GPM6B: variants seen among roughly 807,000 people sequenced by gnomAD.
GPM6B encodes the protein neuronal membrane glycoprotein M6-b.
GPM6B carries 4 observed loss-of-function variants against 27.2 expected under a neutral mutation model. That is an observed-to-expected ratio of 0.15 (90% CI 0.07 to 0.34). The LOEUF (loss-of-function observed/expected upper bound fraction) is 0.34, where lower values mean the gene tolerates loss of function less well. GPM6B is among the 10% of genes least tolerant of loss of function. The probability of loss-of-function intolerance (pLI) is 1.00; values close to 1 mark genes in which losing one functional copy is unlikely to be tolerated. For synonymous variants in GPM6B, 124 were observed against 103.1 expected, an observed-to-expected ratio of 1.20 and a Z score of -1.23; for missense variants, 183 against 261.9, an observed-to-expected ratio of 0.70 and a Z score of 2.08.
At chrX:13,921,183 G>A (rs1316601329) in intron 1 of GPM6B, among the ~76,000 whole-genome samples, 1 of 112,114 alleles carries the variant, frequency 8.9e-6, no homozygotes, top group Admixed American at 9.5e-5. Context: ...CCAGTACTAC[G>A]TCTGTCTGCA....
chrX:13,931,197 A>AAAC (rs35581266), intron 1 of GPM6B, among the ~76,000 whole-genome samples: 50,753 of 106,331 alleles, frequency 0.48, 10,041 homozygotes, highest in Non-Finnish European at 0.55. Context: ...AACAAAAACA[A>AAAC]AACAACAACA....
At chrX:13,796,297 G>A (rs1049430119) in intron 2 of GPM6B, among the ~76,000 whole-genome samples, 3 of 111,690 alleles carry the variant, frequency 2.7e-5, no homozygotes, top group African/African-American at 6.5e-5. Context: ...TTGAACTCCC[G>A]ACCTCAGGTG....
At chrX:13,777,688 G>T (rs1323737499) in intron 5 of GPM6B, among the ~76,000 whole-genome samples, 2 of 112,625 alleles carry the variant, frequency 1.8e-5, no homozygotes, top group African/African-American at 3.2e-5. Flanking sequence ...TTTATTCAGT[G>T]AGGGTTCACA....
intron 1 of GPM6B, among the ~76,000 whole-genome samples, chrX:13,864,855 G>A (rs1053318392): frequency 3.6e-5 from 4 of 111,734 alleles, no homozygotes; most frequent in Admixed American, 9.5e-5. Context: ...GACCCCCAGT[G>A]GATGCCTAAA....
intron 1 of GPM6B, among the ~76,000 whole-genome samples, chrX:13,932,769 G>A (rs929247338): frequency 2.7e-5 from 3 of 111,847 alleles, no homozygotes; most frequent in African/African-American, 9.7e-5. Context: ...GGGAAACAAA[G>A]CCTTCAACCC....
In GPM6B at chrX:13,772,864, A is replaced by C; in HGVS notation, c.*17T>G. The C allele has an allele frequency of 8.3e-7, 1 of 1,207,647 alleles. No individual in the cohort carries two copies. The highest frequency in any genetic ancestry group is 1.1e-6 in the Non-Finnish European group (1 of 892,479). ...TCAGAGCTGTAAATACGTCGGCCGAAACACTCTGGCAAACATTTATGTGTA... is the reference window on the plus strand; with the variant it reads ...TCAGAGCTGTAAATACGTCGGCCGACACACTCTGGCAAACATTTATGTGTA... On this transcript the variant is annotated 3_prime_UTR_variant, in exon 8 of 8. Transcript: ENST00000316715.
At chrX:13,813,932 T>C (rs1342209683) in intron 1 of GPM6B, among the ~76,000 whole-genome samples, 1 of 112,394 alleles carries the variant, frequency 8.9e-6, no homozygotes, top group Non-Finnish European at 1.9e-5. Flanking sequence ...CCTAAATATC[T>C]ACTAAATACT....
Position 13,831,387 on chromosome X carries a change from C to T in GPM6B, c.-197-45579G>A, listed in dbSNP as rs148850290. Among the ~76,000 whole-genome samples the T allele has an allele frequency of 4.5e-5, 5 of 111,264 alleles. No homozygotes were observed. The East Asian group carries it at 1.4e-3, about 31-fold the overall frequency. ...TTCTAATCTTGGCTCTGTCACTTGCCAGTCACGAGGCCATGGACAAGATGC... is the reference window on the plus strand; with the variant it reads ...TTCTAATCTTGGCTCTGTCACTTGCTAGTCACGAGGCCATGGACAAGATGC... On this transcript the variant is annotated intron_variant, in intron 1 of 6. Coordinates refer to the GPM6B transcript ENST00000398361.
chrX:13,795,740 TTC>T (rs1446778884), intron 2 of GPM6B, among the ~76,000 whole-genome samples: 4 of 97,214 alleles, frequency 4.1e-5, no homozygotes, highest in East Asian at 3.7e-4. Flanking sequence ...CTAATTTCTT[TTC>T]TTTTTTTTTT....
In GPM6B at chrX:13,771,226, A is replaced by C. The variant is rs1244147914; in HGVS notation, c.*1655T>G. 8.9e-6 allele frequency: 1 copy of C among 111,942 alleles called. No homozygotes were observed. The highest frequency in any genetic ancestry group is 1.9e-5 in the Non-Finnish European group (1 of 53,083). The allele number at this position is 111,942 out of a possible 1,213,427, so 9.2% of individuals were successfully genotyped here. A position where few individuals can be genotyped will look rare whatever the true frequency, so the allele number is the denominator to read the frequency against. On this transcript the variant is annotated 3_prime_UTR_variant, in exon 8 of 8. Transcript: ENST00000316715. ...CCTGGTAATAGCTACCAGAATTAGA[A>C]AAGTAAAATTAGGCTTTAGACACTG...
chrX:13,815,913 T>C (rs746122335), intron 1 of GPM6B, among the ~76,000 whole-genome samples: 2 of 111,926 alleles, frequency 1.8e-5, no homozygotes, highest in South Asian at 7.6e-4. Context: ...GAAATAACCT[T>C]AGCATGATGG....
chrX:13,910,110 C>T (rs1318968507), intron 1 of GPM6B, among the ~76,000 whole-genome samples: 2 of 112,170 alleles, frequency 1.8e-5, no homozygotes, highest in Non-Finnish European at 3.8e-5. Context: ...GAAAAGCCAC[C>T]AGCTACCTCC....
intron 1 of GPM6B, among the ~76,000 whole-genome samples, chrX:13,937,947 TG>T (rs752939625): frequency 9.0e-6 from 1 of 111,575 alleles, no homozygotes; most frequent in South Asian, 3.8e-4. Context: ...CGTCCCATGC[TG>T]TCCAGAGTCT....
At chrX:13,923,804 G>A (rs746439463) in intron 1 of GPM6B, among the ~76,000 whole-genome samples, 4 of 111,950 alleles carry the variant, frequency 3.6e-5, no homozygotes, top group African/African-American at 6.5e-5. Flanking sequence ...CTTGGTCTTT[G>A]TAATGGTGCA....
chrX:13,829,468 T>C (rs1200843316), intron 1 of GPM6B, among the ~76,000 whole-genome samples: 1 of 111,993 alleles, frequency 8.9e-6, no homozygotes, highest in East Asian at 2.8e-4. Flanking sequence ...ACCACCATCA[T>C]ACAGGTCCCA....
At position 13,871,501 on chromosome X, in the gene GPM6B, C is replaced by T. The variant is rs781566698; in HGVS notation, c.-198+66826G>A. ...AGGGATGAGAATCGAGTTAGATTAG[C>T]GCCTTTCTCCTCAAAGTGTGGCCCT... is the stretch of plus-strand genomic sequence containing the variant. On this transcript the variant is annotated intron_variant, in intron 1 of 6. Transcript: ENST00000398361. 1.1e-4 allele frequency among the ~76,000 whole-genome samples: 12 copies of T among 112,157 alleles called. No individual in the cohort carries two copies. In the South Asian group the frequency reaches 4.1e-3, roughly 38 times the overall value.
intron 1 of GPM6B, among the ~76,000 whole-genome samples, chrX:13,917,048 C>CA (rs986049753): frequency 1.8e-5 from 2 of 110,258 alleles, no homozygotes; most frequent in African/African-American, 6.6e-5. Flanking sequence ...CCCATCTCTA[C>CA]AAAAAACACA....
At chrX:13,927,120 C>A in intron 1 of GPM6B, among the ~76,000 whole-genome samples, 1 of 108,620 alleles carries the variant, frequency 9.2e-6, no homozygotes, top group African/African-American at 3.4e-5. Flanking sequence ...CCCAAATGAC[C>A]AATAACCTAC....
At chrX:13,837,706 T>C (rs1280161335) in intron 1 of GPM6B, among the ~76,000 whole-genome samples, 2 of 10,145 alleles carry the variant, frequency 2.0e-4, no homozygotes, top group African/African-American at 5.4e-4. Flanking sequence ...TCAAAGCAAG[T>C]TGGTGGGGGG....
Sources: allele counts gnomAD v4.1 joint callset (sites outside exome capture counted in the v4.1 genomes callset), GRCh38; gene constraint gnomAD v4.1.1; transcripts MANE v1.5; gene names NCBI Gene and HGNC (gene_info 2026-07-23, HGNC 2026-07-21).